ADAM12: variants seen among roughly 807,000 people sequenced by gnomAD.
ADAM12 encodes disintegrin and metalloproteinase domain-containing protein 12.
A neutral mutation model predicts 106.4 loss-of-function variants in ADAM12; 70 were observed. The observed-to-expected ratio is 0.66, with a 90% CI of 0.54 to 0.80. The LOEUF is 0.80. ADAM12 is among the 30% of genes least tolerant of loss of function. The pLI is 0.00. For missense variants in ADAM12, 1,010 were observed against 1,171.9 expected (o/e 0.86, Z 2.02); for synonymous variants, 420 against 433.5 (o/e 0.97, Z 0.39).
chr10:126,135,981 T>C (rs1050678848), intron 4 of ADAM12, among the ~76,000 whole-genome samples: 2 of 152,208 alleles, frequency 1.3e-5, no homozygotes, highest in African/African-American at 4.8e-5. Context: ...GACATCGCCA[T>C]TTTACCCTCA....
chr10:126,148,009 C>A (rs1956660617), intron 4 of ADAM12, among the ~76,000 whole-genome samples: 2 of 152,168 alleles, frequency 1.3e-5, no homozygotes, highest in South Asian at 4.1e-4. Context: ...ATGTAAACAG[C>A]AGAAATGTCA....
In ADAM12 at chr10:126,329,162, C is replaced by T. The variant is rs556933567; in HGVS notation, c.186+1250G>A. Among the ~76,000 whole-genome samples, 12 of 151,894 alleles carry T rather than the reference C, an allele frequency of 7.9e-5. 1 individual carries two copies. Among genetic ancestry groups the T allele is most frequent in the South Asian group, 6.2e-4 (3 of 4,810 alleles). On this transcript the variant is annotated intron_variant, in intron 2 of 22. Transcript: ENST00000448723. ...AAAAAAGTATGTCCCAAATATTGCA[C>T]GAGACATATTTACACTAAAATTAAA...
intron 3 of ADAM12, among the ~76,000 whole-genome samples, chr10:126,238,693 C>T (rs376557845): frequency 6.6e-6 from 1 of 152,056 alleles, no homozygotes; most frequent in East Asian, 1.9e-4. Flanking sequence ...GAATGTAATA[C>T]CCAGACCAAG....
chr10:126,228,923 A>G (rs1276794663), intron 3 of ADAM12, among the ~76,000 whole-genome samples: 1 of 152,262 alleles, frequency 6.6e-6, no homozygotes, highest in African/African-American at 2.4e-5. Context: ...AAGGTTAAAA[A>G]AAATTCTTAC....
intron 8 of ADAM12, among the ~76,000 whole-genome samples, chr10:126,106,121 ATG>A (rs1284956973): frequency 6.6e-6 from 1 of 152,082 alleles, no homozygotes; most frequent in East Asian, 1.9e-4. Flanking sequence ...ACTGGCGGTC[ATG>A]TGGTCTCCCA....
At chr10:126,185,929 C>A (rs953526476) in intron 3 of ADAM12, among the ~76,000 whole-genome samples, 4 of 152,170 alleles carry the variant, frequency 2.6e-5, no homozygotes, top group African/African-American at 9.7e-5. Context: ...TGACCAAAAA[C>A]GTCACTTGTA....
At chr10:126,052,918 C>T (rs536624401) in intron 14 of ADAM12, among the ~76,000 whole-genome samples, 52 of 152,274 alleles carry the variant, frequency 3.4e-4, no homozygotes, top group African/African-American at 1.2e-3. Flanking sequence ...CAGAGTGTGA[C>T]GTGGTTTGGA....
Position 126,278,911 on chromosome 10 carries a change from T to C in ADAM12, c.260+4A>G, listed in dbSNP as rs747148212. On this transcript the variant is annotated splice_donor_region_variant and intron_variant, in intron 3 of 22. Transcript: ENST00000448723. ...TATCATGCAATAAACAAGAATTAAC[T>C]TACTCATTTCTTTCCAGATTTATGA... is the stretch of plus-strand genomic sequence containing the variant. 11 of 1,601,438 alleles carry C rather than the reference T, an allele frequency of 6.9e-6. No homozygotes were observed. Among genetic ancestry groups the C allele is most frequent in the Non-Finnish European group, 6.8e-6 (8 of 1,169,766 alleles).
chr10:126,313,315 C>A (rs996290059), intron 2 of ADAM12, among the ~76,000 whole-genome samples: 2 of 152,216 alleles, frequency 1.3e-5, no homozygotes, highest in African/African-American at 4.8e-5. Flanking sequence ...TATGACTTAA[C>A]CTCAAGGTCA....
At chr10:126,134,759 C>T (rs1407882752) in intron 5 of ADAM12, among the ~76,000 whole-genome samples, 10 of 152,324 alleles carry the variant, frequency 6.6e-5, no homozygotes, top group African/African-American at 1.2e-4. Context: ...ACTGCTGATG[C>T]GCAGAATGTG....
intron 20 of ADAM12, among the ~76,000 whole-genome samples, chr10:126,037,988 C>T (rs924322170): frequency 1.3e-5 from 2 of 152,024 alleles, no homozygotes; most frequent in Admixed American, 6.5e-5. Context: ...TCACAGCTCA[C>T]ACTATGCTGC....
chr10:126,258,593 T>C (rs1958939279), intron 3 of ADAM12, among the ~76,000 whole-genome samples: 1 of 152,242 alleles, frequency 6.6e-6, no homozygotes, highest in Admixed American at 6.5e-5. Flanking sequence ...AGATCTAGTC[T>C]GGTCTTTGGT....
intron 3 of ADAM12, among the ~76,000 whole-genome samples, chr10:126,278,316 G>A (rs187220843): frequency 2.0e-5 from 3 of 152,224 alleles, no homozygotes; most frequent in Admixed American, 1.3e-4. Flanking sequence ...TTTGTCTTAC[G>A]GTTGGAGGCA....
intron 3 of ADAM12, among the ~76,000 whole-genome samples, chr10:126,174,095 G>A (rs1432367323): frequency 8.1e-6 from 1 of 123,504 alleles, no homozygotes; most frequent in Non-Finnish European, 1.6e-5. Flanking sequence ...GCAACCTCCC[G>A]CCTCCCGGTT....
At chr10:126,033,172 C>G (rs921840349) in intron 21 of ADAM12, among the ~76,000 whole-genome samples, 10 of 152,300 alleles carry the variant, frequency 6.6e-5, no homozygotes, top group African/African-American at 2.2e-4. Context: ...CCCTACTCCT[C>G]ATTCAGTAAT....
At chr10:126,134,244 G>C (rs1169029622) in intron 5 of ADAM12, among the ~76,000 whole-genome samples, 2 of 152,234 alleles carry the variant, frequency 1.3e-5, no homozygotes, top group African/African-American at 4.8e-5. Context: ...ATGCAGAAAT[G>C]TGTGTGTGCA....
At chr10:126,099,552 C>A (rs995005430) in intron 9 of ADAM12, among the ~76,000 whole-genome samples, 6 of 152,070 alleles carry the variant, frequency 3.9e-5, no homozygotes, top group Admixed American at 6.5e-5. Context: ...TCCAGATGTT[C>A]AAGTTGGACA....
intron 3 of ADAM12, among the ~76,000 whole-genome samples, chr10:126,181,755 C>T (rs1957316177): frequency 6.6e-6 from 1 of 152,204 alleles, no homozygotes; most frequent in Non-Finnish European, 1.5e-5. Flanking sequence ...TGTTTGCCTT[C>T]ACTGGCATTA....
intron 21 of ADAM12, among the ~76,000 whole-genome samples, chr10:126,028,335 C>T (rs1276990466): frequency 6.6e-6 from 1 of 152,008 alleles, no homozygotes; most frequent in Admixed American, 6.6e-5. Flanking sequence ...ATATGGAACC[C>T]CAAAAGAGCC....
Sources: allele counts gnomAD v4.1 joint callset (sites outside exome capture counted in the v4.1 genomes callset), GRCh38; gene constraint gnomAD v4.1.1; transcripts MANE v1.5; gene names NCBI Gene and HGNC (gene_info 2026-07-23, HGNC 2026-07-21).